The following CDH19 variants were observed in gnomAD, a reference collection of about 807,000 sequenced individuals.
CDH19 encodes the protein cadherin-19.
CDH19 carries 67 observed loss-of-function variants against 64.2 expected under a neutral mutation model. That is an observed-to-expected ratio of 1.04 (90% CI 0.86 to 1.28). The LOEUF (loss-of-function observed/expected upper bound fraction) is 1.28, where lower values mean the gene tolerates loss of function less well. CDH19 is among the 50% of genes most tolerant of loss of function. The probability of loss-of-function intolerance (pLI) is 0.00; values close to 1 mark genes in which losing one functional copy is unlikely to be tolerated. For missense variants in CDH19, 1,030 were observed against 929.0 expected, an observed-to-expected ratio of 1.11 and a Z score of -1.41; for synonymous variants, 346 against 319.3, an observed-to-expected ratio of 1.08 and a Z score of -0.89.
Position 66,568,723 on chromosome 18 carries a change from A to G in CDH19, c.196-13T>C, listed in dbSNP as rs1310841082. 2 of 1,575,022 alleles carry G rather than the reference A, an allele frequency of 1.3e-6. No homozygotes were observed. Among genetic ancestry groups the G allele is most frequent in the Non-Finnish European group, 8.6e-7 (1 of 1,164,392 alleles). On this transcript the variant is annotated splice_polypyrimidine_tract_variant and intron_variant, in intron 2 of 11. Transcript: ENST00000262150. Reference sequence around the variant, plus strand: ...AATCAGATCTTAGCTGCAAATGGAAAGAGGGATCATTTAGTTTCCAAACAT... The same window carrying G: ...AATCAGATCTTAGCTGCAAATGGAAGGAGGGATCATTTAGTTTCCAAACAT...
intron 3 of CDH19, among the ~76,000 whole-genome samples, chr18:66,556,951 G>A (rs950928429): frequency 1.3e-5 from 2 of 151,858 alleles, no homozygotes; most frequent in Non-Finnish European, 2.9e-5. Flanking sequence ...AAGGGAACAC[G>A]TGCACTGTAG....
At chr18:66,531,023 TG>T (rs1986423503) in intron 8 of CDH19, among the ~76,000 whole-genome samples, 1 of 152,112 alleles carries the variant, frequency 6.6e-6, no homozygotes, top group Admixed American at 6.6e-5. Flanking sequence ...GTTTAGCCCA[TG>T]CCATTTTTGT....
chr18:66,549,661 GAGAT>G (rs1366468811), intron 5 of CDH19, among the ~76,000 whole-genome samples: 7 of 152,090 alleles, frequency 4.6e-5, no homozygotes, highest in East Asian at 1.9e-4. Context: ...TTAAAATTGT[GAGAT>G]AGAGCAGAAA....
At chr18:66,589,334 A>G (rs1227007537) in intron 1 of CDH19, among the ~76,000 whole-genome samples, 1 of 151,526 alleles carries the variant, frequency 6.6e-6, no homozygotes, top group African/African-American at 2.4e-5. Context: ...CCAACAGTGT[A>G]TTTCATTTTC....
At chr18:66,554,360 T>G in intron 4 of CDH19, 45 bp downstream of exon 4, 1 of 1,599,714 alleles carries the variant, frequency 6.3e-7, no homozygotes, top group Non-Finnish European at 8.5e-7. Flanking sequence ...GACAATTGCC[T>G]TCTTTAGAAT....
At chr18:66,510,202 TC>T (rs1385374297) in intron 10 of CDH19, among the ~76,000 whole-genome samples, 1 of 151,750 alleles carries the variant, frequency 6.6e-6, no homozygotes, top group African/African-American at 2.4e-5. Flanking sequence ...GTAGGACATT[TC>T]CCAAATCACC....
chr18:66,531,243 A>T (rs1986434130), intron 8 of CDH19, among the ~76,000 whole-genome samples: 1 of 152,140 alleles, frequency 6.6e-6, no homozygotes, highest in African/African-American at 2.4e-5. Flanking sequence ...AATTATATAA[A>T]CGACTCAAAT....
chr18:66,534,905 G>T, intron 8 of CDH19, 81 bp downstream of exon 8: 1 of 901,698 alleles, frequency 1.1e-6, no homozygotes, highest in Non-Finnish European at 1.6e-6. Flanking sequence ...TTTTAAAGTA[G>T]CCTTGTCCCC....
At chr18:66,522,264 C>T (rs1046353428) in intron 9 of CDH19, among the ~76,000 whole-genome samples, 8 of 149,406 alleles carry the variant, frequency 5.4e-5, no homozygotes, top group African/African-American at 2.0e-4. Context: ...TGTTTTGAGA[C>T]AGAGTTTCAC....
chr18:66,564,480 G>A (rs2144557143), intron 3 of CDH19, among the ~76,000 whole-genome samples: 1 of 151,958 alleles, frequency 6.6e-6, no homozygotes, highest in South Asian at 2.1e-4. Context: ...AGTGACTACA[G>A]ATATGAAAAA....
chr18:66,565,751 C>G (rs1471774025), intron 3 of CDH19, among the ~76,000 whole-genome samples: 1 of 151,892 alleles, frequency 6.6e-6, no homozygotes, highest in Non-Finnish European at 1.5e-5. Context: ...TTTGGCAAAG[C>G]AATAGAAATA....
In CDH19 at chr18:66,502,279, T is replaced by C. The variant is rs1340450027; in HGVS notation, c.*2533A>G. Reference sequence around the variant, plus strand: ...ACTACCAAAGAGATGAGCAATCGTGTCTGTGCTTTCCCTGTGTATCCTATG... The same window carrying C: ...ACTACCAAAGAGATGAGCAATCGTGCCTGTGCTTTCCCTGTGTATCCTATG... On this transcript the variant is annotated 3_prime_UTR_variant, in exon 12 of 12. Transcript: ENST00000262150. 6.6e-6 allele frequency: 1 copy of C among 152,056 alleles called. No individual in the cohort carries two copies. The highest frequency in any genetic ancestry group is 1.5e-5 in the Non-Finnish European group (1 of 67,980). The allele number at this position is 152,056 out of a possible 1,614,324, so 9.4% of individuals were successfully genotyped here. A position where few individuals can be genotyped will look rare whatever the true frequency, so the allele number is the denominator to read the frequency against.
intron 11 of CDH19, among the ~76,000 whole-genome samples, chr18:66,505,550 TATATATATTAATATATATATAATATA>T (rs1460409944): frequency 1.8e-4 from 25 of 137,722 alleles, no homozygotes; most frequent in Admixed American, 1.5e-4. Context: ...TATTTATTAA[TATATATATTAATATATATATAATATA>T]ATATATATAG....
chr18:66,581,157 T>C (rs1248298042), intron 1 of CDH19, among the ~76,000 whole-genome samples: 2 of 152,150 alleles, frequency 1.3e-5, no homozygotes, highest in Non-Finnish European at 2.9e-5. Context: ...AGTGTGTTTT[T>C]ATATTTTCTC....
intron 1 of CDH19, among the ~76,000 whole-genome samples, chr18:66,591,445 G>A (rs1988740719): frequency 6.6e-6 from 1 of 151,676 alleles, no homozygotes. Flanking sequence ...ATTGAAAACG[G>A]GAAATATTTG....
chr18:66,510,217 T>G (rs1398998961), intron 10 of CDH19, among the ~76,000 whole-genome samples: 1 of 151,726 alleles, frequency 6.6e-6, no homozygotes, highest in Admixed American at 6.6e-5. Context: ...AATCACCTTT[T>G]TAAAGACAAT....
chr18:66,513,912 C>T (rs1477606182), intron 9 of CDH19, among the ~76,000 whole-genome samples: 1 of 151,388 alleles, frequency 6.6e-6, no homozygotes. Flanking sequence ...TGATGCAGTA[C>T]ATTCAATCAT....
At chr18:66,512,971 T>A (rs779485937) in intron 9 of CDH19, among the ~76,000 whole-genome samples, 4 of 151,556 alleles carry the variant, frequency 2.6e-5, no homozygotes, top group African/African-American at 9.7e-5. Flanking sequence ...TGTGTTCCTA[T>A]GTCTATTATG....
At chr18:66,574,383 A>G (rs72936220) in intron 1 of CDH19, among the ~76,000 whole-genome samples, 22,835 of 151,568 alleles carry the variant, frequency 0.15, 1,838 homozygotes, top group South Asian at 0.25. Context: ...AGAAATGTTG[A>G]ACGTGTTAAG....
Sources: allele counts gnomAD v4.1 joint callset (sites outside exome capture counted in the v4.1 genomes callset), GRCh38; gene constraint gnomAD v4.1.1; transcripts MANE v1.5; gene names NCBI Gene and HGNC (gene_info 2026-07-23, HGNC 2026-07-21).